The following ABITRAM variants were observed in gnomAD, a reference collection of about 807,000 sequenced individuals.
ABITRAM encodes the protein actin binding transcription modulator.
A neutral mutation model predicts 22.9 loss-of-function variants in ABITRAM; 19 were observed. The ratio of observed to expected loss-of-function variants is 0.83; its 90% CI spans 0.58 to 1.22. ABITRAM has a LOEUF of 1.22. Ranked by LOEUF, ABITRAM falls within the 50% of genes most tolerant of loss-of-function variation. ABITRAM has a pLI of 0.00. For missense variants in ABITRAM, 215 were observed against 220.2 expected (o/e 0.98, Z 0.15); for synonymous variants, 70 against 73.9 (o/e 0.95, Z 0.27).
At chr9:108,941,886 TA>T (rs1352068379), downstream of ABITRAM, among the ~76,000 whole-genome samples, 2 of 152,182 alleles carry the variant, frequency 1.3e-5, no homozygotes, top group African/African-American at 4.8e-5. Context: ...AGAAAAGCTT[TA>T]AACTCCTAAA....
Position 108,940,773 on chromosome 9 carries a change from A to C in ABITRAM, c.*1087A>C, listed in dbSNP as rs559475924. 6.6e-6 allele frequency: 1 copy of C among 152,168 alleles called. No individual in the cohort carries two copies. Among genetic ancestry groups the C allele is most frequent in the Non-Finnish European group, 1.5e-5 (1 of 68,024 alleles). The allele number at this position is 152,168 out of a possible 1,614,324, so 9.4% of individuals were successfully genotyped here. Reference sequence around the variant, plus strand: ...CAAAGGCATAGGGGCCTTTGAATGGAACAAATGCTTTCACATCATTTAAAG... The same window carrying C: ...CAAAGGCATAGGGGCCTTTGAATGGCACAAATGCTTTCACATCATTTAAAG... On this transcript the variant is annotated 3_prime_UTR_variant, in exon 6 of 6. Transcript: ENST00000322940.
chr9:108,938,674 C>T (rs1033273721), intron 3 of ABITRAM, among the ~76,000 whole-genome samples: 2 of 138,560 alleles, frequency 1.4e-5, no homozygotes, highest in African/African-American at 5.5e-5. Flanking sequence ...CTTACTAACA[C>T]ACTGGGGAAT....
intron 2 of ABITRAM, 184 bp from the exon 3 acceptor site, chr9:108,936,124 G>C: frequency 1.6e-6 from 1 of 637,130 alleles, no homozygotes. Context: ...ATTCAATCTT[G>C]TTTTCTCTTT....
Position 108,936,395 on chromosome 9 carries a change from C to T in ABITRAM, c.219C>T (p.Asn73=). 4 of 1,614,016 alleles carry T rather than the reference C, an allele frequency of 2.5e-6. No homozygotes were observed. Among genetic ancestry groups the T allele is most frequent in the Non-Finnish European group, 3.4e-6 (4 of 1,179,954 alleles). ...IKSISYQIST[N]CSRLQNKVSG... The stretch of plus-strand genomic sequence containing the variant: ...GCATTTCCTATCAGATCAGTACCAA[C>T]TGTAGCAGACTTCAGAACAAGGTCT... The change falls in exon 3 of 6, where the codon AAC becomes AAT. Residue 73 remains asparagine (N), a synonymous_variant. Coordinates refer to ENST00000322940, the MANE Select transcript of ABITRAM (RefSeq NM_017832.4).
intron 5 of ABITRAM, 45 bp downstream of exon 5, chr9:108,939,499 T>C (rs1830230126): frequency 6.2e-7 from 1 of 1,605,286 alleles, no homozygotes; most frequent in African/African-American, 1.3e-5. Flanking sequence ...ATACCTTTTA[T>C]TGGTTTTTTT....
intron 3 of ABITRAM, among the ~76,000 whole-genome samples, chr9:108,946,147 A>C (rs1452499428): frequency 6.6e-6 from 1 of 152,000 alleles, no homozygotes; most frequent in Non-Finnish European, 1.5e-5. Context: ...AAAAATACAA[A>C]AATTAGCTGG....
chr9:108,946,869 T>A (rs550240531), intron 3 of ABITRAM, among the ~76,000 whole-genome samples: 18 of 151,952 alleles, frequency 1.2e-4, no homozygotes, highest in African/African-American at 4.3e-4. Flanking sequence ...TCTTTTGTAG[T>A]AAAACACCCC....
chr9:108,950,434 T>C (rs1830527547), intron 3 of ABITRAM: 3 of 1,476,302 alleles, frequency 2.0e-6, no homozygotes, highest in African/African-American at 1.4e-5. Flanking sequence ...GAAAATATGA[T>C]AAGGTACTGA....
At chr9:108,942,913 T>C (rs1184611324), downstream of ABITRAM, 4 of 1,609,562 alleles carry the variant, frequency 2.5e-6, no homozygotes, top group Non-Finnish European at 3.4e-6. Context: ...CTATTTTCTT[T>C]TAAACCATTT....
chr9:108,939,166 A>G lies in ABITRAM; in HGVS notation c.262-30A>G, dbSNP rs1486151587. 3.1e-6 allele frequency: 5 copies of G among 1,597,004 alleles called. No individual in the cohort carries two copies. The African/African-American group carries it at 6.7e-5, about 21-fold the overall frequency. Reference sequence around the variant, plus strand: ...CAAAGGAAAGTGGAAATGTCCATCAACTGATTACTTCTTCCGTCTCATTAC... The same window carrying G: ...CAAAGGAAAGTGGAAATGTCCATCAGCTGATTACTTCTTCCGTCTCATTAC... On this transcript the variant is annotated intron_variant, in intron 3 of 5. Coordinates refer to ENST00000322940, the MANE Select transcript of ABITRAM (RefSeq NM_017832.4).
chr9:108,950,302 A>T (rs985441206), intron 3 of ABITRAM, among the ~76,000 whole-genome samples: 4 of 152,212 alleles, frequency 2.6e-5, no homozygotes, highest in African/African-American at 4.8e-5. Flanking sequence ...ATCAGATTTT[A>T]AAAAGGTATG....
rs1168914621 is a variant in ABITRAM at position 108,934,542 on chromosome 9, A to ACTT, written c.58_60dup (p.Phe20dup). 1.2e-6 allele frequency: 2 copies of ACTT among 1,606,418 alleles called. No homozygotes were observed. Among genetic ancestry groups the ACTT allele is most frequent in the Non-Finnish European group, 1.7e-6 (2 of 1,177,352 alleles). ...GTGGTGCCTTCGCTCGTGGATCGAT[A>ACTT]CTTCACTCGCTGGTACAAACCGGGT... On this transcript the variant is annotated inframe_insertion, in exon 1 of 6. Coordinates refer to ENST00000322940, the MANE Select transcript of ABITRAM (RefSeq NM_017832.4).
Position 108,939,418 on chromosome 9 carries a change from A to G in ABITRAM, c.372A>G (p.Glu124=), listed in dbSNP as rs771251285. The G allele has an allele frequency of 6.2e-7, 1 of 1,611,792 alleles. No homozygotes were observed. The highest frequency in any genetic ancestry group is 8.5e-7 in the Non-Finnish European group (1 of 1,179,460). ...CVRGRLMEVN[E]NILHKPSILQ... ...GAGGACGTTTGATGGAAGTGAATGA[A>G]AACATCCTCCATAAGCCATCTATTC... Residue 124 remains glutamate, a synonymous_variant, in exon 5 of 6, where the codon GAA becomes GAG. Coordinates refer to ENST00000322940, the MANE Select transcript of ABITRAM (RefSeq NM_017832.4).
chr9:108,944,473 G>A (rs559204953), downstream of ABITRAM, among the ~76,000 whole-genome samples: 1 of 152,324 alleles, frequency 6.6e-6, no homozygotes, highest in African/African-American at 2.4e-5. Flanking sequence ...CCAGACATTT[G>A]AGAGAACCAA....
At chr9:108,934,879 C>T (rs770337494) in intron 1 of ABITRAM, among the ~76,000 whole-genome samples, 5 of 152,088 alleles carry the variant, frequency 3.3e-5, no homozygotes, top group Non-Finnish European at 7.4e-5. Context: ...TCCTTAAGTG[C>T]CTGGAGGGAT....
At chr9:108,948,246 T>G in intron 3 of ABITRAM, 2 of 1,609,352 alleles carry the variant, frequency 1.2e-6, no homozygotes, top group Non-Finnish European at 8.5e-7. Context: ...TAAAATAAAA[T>G]TAATTGTTAA....
At position 108,935,683 on chromosome 9, in the gene ABITRAM, C is replaced by A. The variant is rs1830173033; in HGVS notation, c.125C>A (p.Ser42Tyr). ...FCEDHCILQH[S>Y]NRICVITLAE... ...GAGGACCACTGTATACTACAGCACT[C>A]TAACCGGTAAGCAAATTGGGAATTT... The change falls in exon 2 of 6, where the codon TCT becomes TAT. Residue 42 changes from serine to tyrosine, a missense_variant. Transcript: ENST00000322940. The A allele has an allele frequency of 6.2e-7, 1 of 1,612,558 alleles. No homozygotes were observed. The highest frequency in any genetic ancestry group is 1.3e-5 in the African/African-American group (1 of 74,906).
chr9:108,942,659 T>A (rs553299916), downstream of ABITRAM: 1 of 794,414 alleles, frequency 1.3e-6, no homozygotes. Context: ...AATTTCAATA[T>A]TGTTTTCTTT....
chr9:108,950,023 C>CA (rs145183101), intron 3 of ABITRAM, among the ~76,000 whole-genome samples: 10,647 of 75,402 alleles, frequency 0.14, 635 homozygotes, highest in South Asian at 0.28. Context: ...GGCTACATCT[C>CA]AAAAAAAAAA....
Sources: gnomAD v4.1 joint callset for allele counts (sites outside exome capture counted in the v4.1 genomes callset) on GRCh38, gnomAD v4.1.1 for gene constraint, MANE v1.5 for transcripts, NCBI Gene and HGNC (gene_info 2026-07-23, HGNC 2026-07-21) for gene names.